Variants in GLG1 observed in about 807,000 individuals in gnomAD.
GLG1 encodes the protein Golgi apparatus protein 1.
In GLG1, 38 loss-of-function variants were observed where a neutral mutation model predicts 160.5. That is an observed-to-expected ratio of 0.24 (90% CI 0.18 to 0.31). GLG1 has a LOEUF of 0.31. Among genes scored for constraint, GLG1 ranks in the 10% least tolerant of loss-of-function variants. The pLI, the probability that GLG1 is intolerant of heterozygous loss-of-function variation, is 1.00. For synonymous variants in GLG1, 644 were observed against 543.4 expected, an observed-to-expected ratio of 1.19 and a Z score of -2.57; for missense variants, 1,373 against 1,505.2, an observed-to-expected ratio of 0.91 and a Z score of 1.45.
At chr16:74,469,752 G>C in intron 16 of GLG1, 1 of 531,026 alleles carries the variant, frequency 1.9e-6, no homozygotes, top group South Asian at 2.3e-5. Context: ...GCCTGACCTG[G>C]AAAAATTAAA....
At chr16:74,591,757 T>C (rs903241739) in intron 1 of GLG1, among the ~76,000 whole-genome samples, 2 of 152,164 alleles carry the variant, frequency 1.3e-5, no homozygotes, top group African/African-American at 4.8e-5. Flanking sequence ...CTGGGAAATA[T>C]GAGAGCAAAA....
At chr16:74,580,186 C>G (rs1957906978) in intron 1 of GLG1, among the ~76,000 whole-genome samples, 1 of 151,836 alleles carries the variant, frequency 6.6e-6, no homozygotes, top group African/African-American at 2.4e-5. Flanking sequence ...GATGCTAAAT[C>G]AAAAAACCAA....
Position 74,456,653 on chromosome 16 carries a change from G to T in GLG1, c.3368C>A (p.Ala1123Glu). The change falls in exon 25 of 26, where the codon GCA (alanine) becomes GAA (glutamate). Residue 1123 changes from alanine to glutamate, a missense_variant. Coordinates refer to ENST00000422840, the MANE Select transcript of GLG1 (RefSeq NM_001145667.2). Reference protein sequence around the residue: ...NDRIEMWSYAAKVAPADGFSD... With the variant: ...NDRIEMWSYAEKVAPADGFSD... ...GGAGATTCTCTTGGTCATTACCTTTGCTGCGTAACTCCACATCTCAATCCG... is the reference window on the plus strand; with the variant it reads ...GGAGATTCTCTTGGTCATTACCTTTTCTGCGTAACTCCACATCTCAATCCG... 1 of 1,588,680 alleles carries T rather than the reference G, an allele frequency of 6.3e-7. No homozygotes were observed. The highest frequency in any genetic ancestry group is 2.2e-5 in the East Asian group (1 of 44,734).
rs2143088639 is a variant in GLG1 at position 74,450,343 on chromosome 16, GT to G, written c.*2823del. The G allele has an allele frequency of 6.6e-6, 1 of 152,294 alleles. No individual in the cohort carries two copies. Among genetic ancestry groups the G allele is most frequent in the South Asian group, 2.1e-4 (1 of 4,818 alleles). 9.4% of individuals were successfully genotyped at this position (152,294 alleles called of 1,614,324 possible). A position where few individuals can be genotyped will look rare whatever the true frequency, so the allele number is the denominator to read the frequency against. ...AGGAACCAGGGGTGCCCCAGGCCCT[GT>G]TTTGTTTTGCCAAATGAGGGACTTA... On this transcript the variant is annotated 3_prime_UTR_variant, in exon 26 of 26. Coordinates refer to ENST00000422840, the MANE Select transcript of GLG1 (RefSeq NM_001145667.2).
intron 1 of GLG1, among the ~76,000 whole-genome samples, chr16:74,550,942 C>A (rs2018182227): frequency 6.6e-6 from 1 of 152,128 alleles, no homozygotes; most frequent in South Asian, 2.1e-4. Flanking sequence ...CAATAACACA[C>A]CTCCAGCCTA....
chr16:74,588,991 C>A (rs192789749), intron 1 of GLG1, among the ~76,000 whole-genome samples: 2 of 151,416 alleles, frequency 1.3e-5, no homozygotes, highest in South Asian at 4.2e-4. Context: ...CTTGTAATGC[C>A]AGCACTTTGG....
chr16:74,558,617 A>G (rs985654585), intron 1 of GLG1, among the ~76,000 whole-genome samples: 3 of 152,248 alleles, frequency 2.0e-5, no homozygotes, highest in African/African-American at 7.2e-5. Flanking sequence ...ACCTTAAGAC[A>G]TTTTTAGAAA....
intron 1 of GLG1, among the ~76,000 whole-genome samples, chr16:74,568,392 A>T (rs1385865983): frequency 1.0e-5 from 1 of 96,636 alleles, no homozygotes; most frequent in Non-Finnish European, 1.9e-5. Flanking sequence ...GATAAAGCAG[A>T]AAGAAGTATC....
chr16:74,490,967 G>T, intron 8 of GLG1, 34 bp downstream of exon 8: 1 of 1,450,978 alleles, frequency 6.9e-7, no homozygotes, highest in South Asian at 1.1e-5. Flanking sequence ...TGATAAATGT[G>T]ACATTCAAAA....
At chr16:74,467,934 C>G in intron 17 of GLG1, 86 bp from the exon 18 acceptor site, 1 of 841,710 alleles carries the variant, frequency 1.2e-6, no homozygotes, top group Non-Finnish European at 1.9e-6. Context: ...TTGACTGCAT[C>G]TTGTCTAGTG....
chr16:74,569,875 G>GAA (rs1248515307), intron 1 of GLG1, among the ~76,000 whole-genome samples: 2 of 108,096 alleles, frequency 1.9e-5, no homozygotes, highest in African/African-American at 3.4e-5. Context: ...AAAAAAAAAA[G>GAA]AAAAAAAAAA....
chr16:74,478,020 T>G (rs1409217262), intron 11 of GLG1, among the ~76,000 whole-genome samples: 1 of 64,706 alleles, frequency 1.5e-5, no homozygotes, highest in Non-Finnish European at 3.6e-5. Context: ...AAATAAAATG[T>G]GCAAGAGGCT....
intron 19 of GLG1, among the ~76,000 whole-genome samples, chr16:74,463,704 A>T (rs1337967466): frequency 6.7e-6 from 1 of 148,976 alleles, no homozygotes; most frequent in Non-Finnish European, 1.5e-5. Flanking sequence ...GGCGTGCGTC[A>T]CCACGCCCAG....
chr16:74,524,148 G>A (rs1167055073), intron 2 of GLG1, among the ~76,000 whole-genome samples: 1 of 152,158 alleles, frequency 6.6e-6, no homozygotes, highest in African/African-American at 2.4e-5. Flanking sequence ...GGTGGAGACT[G>A]CAGTGAGCCG....
intron 1 of GLG1, among the ~76,000 whole-genome samples, chr16:74,586,076 A>C (rs1429714370): frequency 2.0e-5 from 3 of 151,952 alleles, no homozygotes; most frequent in African/African-American, 7.3e-5. Context: ...AAAAAAAAAA[A>C]AAAACAAGAA....
At chr16:74,475,224 G>A (rs1428998447) in intron 12 of GLG1, among the ~76,000 whole-genome samples, 1 of 150,862 alleles carries the variant, frequency 6.6e-6, no homozygotes, top group Non-Finnish European at 1.5e-5. Context: ...ACAAGTGCAA[G>A]GAGAATCAAT....
Position 74,553,169 on chromosome 16 carries a change from G to C in GLG1, c.439-21016C>G, listed in dbSNP as rs570517790. Reference sequence around the variant, plus strand: ...TGGGAGGCGGAGGTTGCAGTGAGCTGAGATCACGCCACTGCACTCCAACCT... The same window carrying C: ...TGGGAGGCGGAGGTTGCAGTGAGCTCAGATCACGCCACTGCACTCCAACCT... On this transcript the variant is annotated intron_variant, in intron 1 of 25. Coordinates refer to ENST00000422840, the MANE Select transcript of GLG1 (RefSeq NM_001145667.2). 2.0e-3 allele frequency among the ~76,000 whole-genome samples: 308 copies of C among 150,734 alleles called. 1 individual carries two copies. The highest frequency in any genetic ancestry group is 7.3e-3 in the African/African-American group (299 of 41,040).
rs139859416 is a variant in GLG1, at chr16:74,568,137, C to G, written c.439-35984G>C. Among the ~76,000 whole-genome samples the G allele has an allele frequency of 9.2e-5, 14 of 152,316 alleles. No homozygotes were observed. The East Asian group carries it at 2.7e-3, about 29-fold the overall frequency. On this transcript the variant is annotated intron_variant, in intron 1 of 25. Transcript: ENST00000422840. Reference sequence around the variant, plus strand: ...AGCTACTTTGGCCACCTTGCCACAACGTGGAGACTGTGAAAGAAGCCAGCC... The same window carrying G: ...AGCTACTTTGGCCACCTTGCCACAAGGTGGAGACTGTGAAAGAAGCCAGCC...
intron 3 of GLG1, among the ~76,000 whole-genome samples, chr16:74,505,970 C>T (rs955945200): frequency 7.3e-6 from 1 of 137,482 alleles, no homozygotes; most frequent in Non-Finnish European, 1.5e-5. Context: ...GTGGAGGTTG[C>T]AGTGAGCCAA....
Sources: gnomAD v4.1 joint callset for allele counts (sites outside exome capture counted in the v4.1 genomes callset) on GRCh38, gnomAD v4.1.1 for gene constraint, MANE v1.5 for transcripts, NCBI Gene and HGNC (gene_info 2026-07-23, HGNC 2026-07-21) for gene names.